SPATA6: variants seen among roughly 807,000 people sequenced by gnomAD.
The protein encoded by SPATA6 is spermatogenesis-associated protein 6.
Under a neutral mutation model 65.3 loss-of-function variants are expected in SPATA6, and 56 were observed. The observed-to-expected ratio is 0.86, with a 90% CI of 0.69 to 1.07. The LOEUF (loss-of-function observed/expected upper bound fraction) is 1.07. SPATA6 is among the 50% of genes least tolerant of loss of function. SPATA6 has a pLI of 0.00. For missense variants in SPATA6, 590 were observed against 594.8 expected (o/e 0.99, Z 0.08); for synonymous variants, 199 against 213.2 (o/e 0.93, Z 0.58).
intron 9 of SPATA6, among the ~76,000 whole-genome samples, chr1:48,371,680 T>C (rs910933382): frequency 1.3e-5 from 2 of 152,168 alleles, no homozygotes; most frequent in South Asian, 2.1e-4. Context: ...TGAAGCTTCA[T>C]TGTCACTGTA....
intron 11 of SPATA6, chr1:48,325,419 T>C: frequency 1.5e-6 from 2 of 1,339,514 alleles, no homozygotes; most frequent in Non-Finnish European, 2.1e-6. Flanking sequence ...CTCCCCCAGC[T>C]TCTTCTTGAC....
chr1:48,461,910 C>G (rs1415409967), intron 1 of SPATA6, among the ~76,000 whole-genome samples: 1 of 152,166 alleles, frequency 6.6e-6, no homozygotes, highest in Non-Finnish European at 1.5e-5. Context: ...TTTATTGCGG[C>G]ACTATTCACA....
chr1:48,262,386 T>A, the SPATA6 span: 1 of 151,914 alleles, frequency 6.6e-6, no homozygotes, highest in South Asian at 2.1e-4. Flanking sequence ...CAATGAAGAG[T>A]TCTGGTACAA....
intron 3 of SPATA6, among the ~76,000 whole-genome samples, chr1:48,439,344 C>T (rs1444639916): frequency 1.3e-5 from 2 of 152,314 alleles, no homozygotes; most frequent in Non-Finnish European, 2.9e-5. Flanking sequence ...CGATGCTGAG[C>T]GCAACTTTTC....
At chr1:48,356,567 G>A (rs1646668278) in intron 10 of SPATA6, among the ~76,000 whole-genome samples, 1 of 141,904 alleles carries the variant, frequency 7.0e-6, no homozygotes, top group African/African-American at 2.7e-5. Context: ...ATGCTGGAGT[G>A]CAATGGCGCG....
intron 3 of SPATA6, among the ~76,000 whole-genome samples, chr1:48,416,568 C>T (rs541650078): frequency 5.9e-5 from 9 of 152,166 alleles, no homozygotes; most frequent in African/African-American, 1.4e-4. Context: ...AAATAAAACA[C>T]GTAAGCCAGA....
intron 3 of SPATA6, among the ~76,000 whole-genome samples, chr1:48,423,840 T>C (rs917648296): frequency 2.0e-5 from 3 of 152,034 alleles, no homozygotes; most frequent in African/African-American, 7.2e-5. Context: ...AGCCACTGCA[T>C]CCTGCTTTAA....
At chr1:48,277,930 C>A in the SPATA6 span, among the ~76,000 whole-genome samples, 5 of 152,240 alleles carry the variant, frequency 3.3e-5, no homozygotes, top group Non-Finnish European at 5.9e-5. Context: ...GGAGGCACCC[C>A]TCAGTAGGGG....
intron 10 of SPATA6, among the ~76,000 whole-genome samples, chr1:48,358,731 A>C (rs1646726279): frequency 6.6e-6 from 1 of 152,136 alleles, no homozygotes; most frequent in Non-Finnish European, 1.5e-5. Context: ...ATCCCCCACT[A>C]TCCCGCAACA....
chr1:48,317,287 A>C (rs912893540), intron 11 of SPATA6, among the ~76,000 whole-genome samples: 4 of 152,220 alleles, frequency 2.6e-5, no homozygotes, highest in African/African-American at 9.6e-5. Context: ...CAAATGTCCA[A>C]CAATGATAGA....
chr1:48,372,385 C>T (rs1647376219), intron 9 of SPATA6, among the ~76,000 whole-genome samples: 1 of 152,164 alleles, frequency 6.6e-6, no homozygotes, highest in Admixed American at 6.5e-5. Flanking sequence ...AAAATGATCT[C>T]CTTTGACTCC....
At chr1:48,471,341 G>A (rs1442447253) in intron 1 of SPATA6, among the ~76,000 whole-genome samples, 1 of 152,164 alleles carries the variant, frequency 6.6e-6, no homozygotes, top group African/African-American at 2.4e-5. Flanking sequence ...AAGGGTCTGG[G>A]GACGGGAGGG....
chr1:48,299,789 AGTGAAGTTAAGTGACTT>A (rs1336100514), intron 12 of SPATA6, among the ~76,000 whole-genome samples: 8 of 152,190 alleles, frequency 5.3e-5, no homozygotes, highest in African/African-American at 1.7e-4. Context: ...ATGAAGACTC[AGTGAAGTTAAGTGACTT>A]GCCTAAGACT....
Position 48,436,831 on chromosome 1 carries a change from T to C in SPATA6, c.238+14721A>G, listed in dbSNP as rs111583654. ...ACTGAAAGGTCCTCCTTATAGCCCATTGGATATCAGTATTTTCCCTCAATC... is the reference window on the plus strand; with the variant it reads ...ACTGAAAGGTCCTCCTTATAGCCCACTGGATATCAGTATTTTCCCTCAATC... On this transcript the variant is annotated intron_variant, in intron 3 of 12. Coordinates refer to ENST00000371847, the MANE Select transcript of SPATA6 (RefSeq NM_019073.4). 2.8e-3 allele frequency: 4,450 copies of C among 1,613,360 alleles called. 99 individuals are homozygous for C. In the African/African-American group the frequency reaches 0.053, roughly 19 times the overall value.
the SPATA6 span, among the ~76,000 whole-genome samples, chr1:48,276,126 G>T: frequency 6.6e-6 from 1 of 152,142 alleles, no homozygotes; most frequent in Non-Finnish European, 1.5e-5. Flanking sequence ...TTGCATAGAG[G>T]TGTTTATAGT....
At chr1:48,353,383 C>G (rs1646566387) in intron 11 of SPATA6, among the ~76,000 whole-genome samples, 1 of 150,354 alleles carries the variant, frequency 6.7e-6, no homozygotes, top group African/African-American at 2.4e-5. Context: ...TTTTGATTAA[C>G]CCAAACAAAA....
rs2148626466 is a variant in SPATA6, at chr1:48,295,447, C to T, written c.*3266G>A. 2 of 152,264 alleles carry T rather than the reference C, an allele frequency of 1.3e-5. No homozygotes were observed. Among genetic ancestry groups the T allele is most frequent in the Middle Eastern group, 6.8e-3 (2 of 294 alleles). 9.4% of individuals were successfully genotyped at this position (152,264 alleles called of 1,614,324 possible). ...TCATACGTGTTACAACATGCATGAACTCTCAAAATATTTTGCTAAGTGAAA... is the reference window on the plus strand; with the variant it reads ...TCATACGTGTTACAACATGCATGAATTCTCAAAATATTTTGCTAAGTGAAA... On this transcript the variant is annotated 3_prime_UTR_variant, in exon 13 of 13. Transcript: ENST00000371847.
chr1:48,311,646 A>G (rs1016231593), intron 11 of SPATA6, among the ~76,000 whole-genome samples: 4 of 152,204 alleles, frequency 2.6e-5, no homozygotes, highest in Non-Finnish European at 5.9e-5. Flanking sequence ...CGTGAGCGAC[A>G]CAGAAGACAA....
chr1:48,290,552 A>G (rs900364165), downstream of SPATA6, among the ~76,000 whole-genome samples: 3 of 152,192 alleles, frequency 2.0e-5, no homozygotes, highest in Non-Finnish European at 2.9e-5. Flanking sequence ...ACAGACTGGC[A>G]AATTGGATAA....
Sources: allele counts gnomAD v4.1 joint callset (sites outside exome capture counted in the v4.1 genomes callset), GRCh38; gene constraint gnomAD v4.1.1; transcripts MANE v1.5; gene names NCBI Gene and HGNC (gene_info 2026-07-23, HGNC 2026-07-21).